Variants in VPS50 observed in about 807,000 individuals in gnomAD.
The protein encoded by VPS50 is syndetin.
VPS50 carries 70 observed loss-of-function variants against 139.7 expected under a neutral mutation model. The ratio of observed to expected loss-of-function variants is 0.50; its 90% CI spans 0.41 to 0.61. The LOEUF (loss-of-function observed/expected upper bound fraction) is 0.61, where lower values mean the gene tolerates loss of function less well. Ranked by LOEUF, VPS50 falls within the 20% of genes least tolerant of loss-of-function variation. VPS50 has a pLI of 0.00. For synonymous variants in VPS50, 365 were observed against 376.7 expected, an observed-to-expected ratio of 0.97 and a Z score of 0.36; for missense variants, 921 against 1,133.7, an observed-to-expected ratio of 0.81 and a Z score of 2.69.
chr7:93,318,706 T>A (rs1469898067), intron 20 of VPS50, among the ~76,000 whole-genome samples: 1 of 152,134 alleles, frequency 6.6e-6, no homozygotes, highest in East Asian at 1.9e-4. Flanking sequence ...CCTTAATTTT[T>A]AAAAATCTTC....
intron 20 of VPS50, among the ~76,000 whole-genome samples, chr7:93,314,614 G>A (rs557627486): frequency 8.5e-5 from 13 of 152,076 alleles, no homozygotes; most frequent in South Asian, 4.1e-4. Flanking sequence ...CTAGATTACC[G>A]AAGTCCATGC....
intron 25 of VPS50, among the ~76,000 whole-genome samples, chr7:93,350,969 C>T (rs1399206925): frequency 6.6e-6 from 1 of 152,046 alleles, no homozygotes. Flanking sequence ...CTGCTTAGAC[C>T]AAGTCAACAA....
Position 93,356,043 on chromosome 7 carries a change from C to T in VPS50, c.2738C>T (p.Thr913Ile). 1.3e-6 allele frequency: 2 copies of T among 1,544,406 alleles called. No individual in the cohort carries two copies. Among genetic ancestry groups the T allele is most frequent in the South Asian group, 1.2e-5 (1 of 81,946 alleles). ...ACTTATATTAAAGCTTATTACCTAA[C>T]TGAGAATGACATGGAACGGTGGATC... ...VETYIKAYYL[T>I]ENDMERWIKE... The change falls in exon 27 of 28, where the codon ACT (threonine) becomes ATT (isoleucine). Residue 913 changes from threonine (T) to isoleucine (I), a missense_variant. Thr to Ile is a moderately conservative substitution (Grantham distance 89). This residue lies in a region of VPS50 where 158 missense variants were observed against 156.3 expected (regional missense o/e 1.01). Coordinates refer to ENST00000305866, the MANE Select transcript of VPS50 (RefSeq NM_017667.4).
At chr7:93,325,999 T>C (rs1298568979) in intron 21 of VPS50, among the ~76,000 whole-genome samples, 1 of 151,940 alleles carries the variant, frequency 6.6e-6, no homozygotes, top group Admixed American at 6.6e-5. Context: ...CATGCACACG[T>C]ATGTTTATTG....
intron 18 of VPS50, 21 bp downstream of exon 18, chr7:93,306,025 A>G (rs1797106443): frequency 6.3e-7 from 1 of 1,580,346 alleles, no homozygotes. Flanking sequence ...TATGTGAAAC[A>G]TAAGTGAGTT....
intron 12 of VPS50, among the ~76,000 whole-genome samples, chr7:93,277,996 GA>G (rs1374780429): frequency 2.6e-5 from 4 of 151,942 alleles, no homozygotes; most frequent in Non-Finnish European, 4.4e-5. Flanking sequence ...TATTAAAGCA[GA>G]AAAGAACTCT....
chr7:93,268,425 A>G (rs543050787), intron 9 of VPS50, among the ~76,000 whole-genome samples: 8 of 152,012 alleles, frequency 5.3e-5, no homozygotes, highest in East Asian at 1.9e-4. Flanking sequence ...CTATCAACCT[A>G]TCACCTAGGT....
chr7:93,321,182 C>T (rs535912072), intron 20 of VPS50: 2 of 152,314 alleles, frequency 1.3e-5, no homozygotes, highest in African/African-American at 4.8e-5. Context: ...TATGCAAAGC[C>T]TAAACTATCT....
intron 22 of VPS50, among the ~76,000 whole-genome samples, chr7:93,336,329 A>C (rs1210428261): frequency 3.9e-5 from 6 of 152,226 alleles, no homozygotes; most frequent in Admixed American, 3.9e-4. Context: ...ATAATTTATC[A>C]TGTAAATTCA....
chr7:93,292,054 A>T (rs565063223), intron 13 of VPS50, among the ~76,000 whole-genome samples: 1 of 152,218 alleles, frequency 6.6e-6, no homozygotes, highest in East Asian at 1.9e-4. Flanking sequence ...GGCACATAGT[A>T]CTAGTTTCCA....
At chr7:93,309,628 A>G (rs973195780) in intron 19 of VPS50, among the ~76,000 whole-genome samples, 2 of 151,834 alleles carry the variant, frequency 1.3e-5, no homozygotes, top group African/African-American at 2.4e-5. Context: ...TATTTCCCCT[A>G]TGTCATTTTT....
At chr7:93,242,309 A>G (rs950561659) in intron 2 of VPS50, among the ~76,000 whole-genome samples, 3 of 151,820 alleles carry the variant, frequency 2.0e-5, no homozygotes, top group Admixed American at 6.6e-5. Context: ...ATTACAGATT[A>G]TAATACTGTG....
chr7:93,355,427 C>CT (rs918469867), intron 26 of VPS50, among the ~76,000 whole-genome samples: 127 of 152,216 alleles, frequency 8.3e-4, no homozygotes, highest in African/African-American at 2.8e-3. Flanking sequence ...TTACACATTT[C>CT]TTTATGTTTT....
intron 22 of VPS50, among the ~76,000 whole-genome samples, chr7:93,336,720 C>T (rs1212521110): frequency 6.6e-6 from 1 of 152,162 alleles, no homozygotes; most frequent in South Asian, 2.1e-4. Flanking sequence ...CCATGTTGGC[C>T]AGGCTGGTCT....
chr7:93,354,454 C>A (rs1798644013), intron 26 of VPS50, among the ~76,000 whole-genome samples: 1 of 151,816 alleles, frequency 6.6e-6, no homozygotes, highest in African/African-American at 2.4e-5. Context: ...CCACCATGCC[C>A]ACTAATTTTT....
At chr7:93,276,514 C>A in intron 12 of VPS50, 58 of 655,232 alleles carry the variant, frequency 8.9e-5, no homozygotes, top group Non-Finnish European at 1.2e-4. Flanking sequence ...GAGATTGGAG[C>A]ATGATTGCTT....
intron 12 of VPS50, among the ~76,000 whole-genome samples, chr7:93,289,546 T>G (rs943324368): frequency 6.6e-6 from 1 of 152,098 alleles, no homozygotes; most frequent in African/African-American, 2.4e-5. Context: ...CAAATGTTAC[T>G]TTTATTACTT....
chr7:93,252,866 T>C, intron 3 of VPS50, 91 bp downstream of exon 3: 1 of 975,310 alleles, frequency 1.0e-6, no homozygotes, highest in South Asian at 1.7e-5. Context: ...GGCATTTATG[T>C]ATTTTTGGTA....
At chr7:93,302,954 A>G (rs1020533789) in intron 16 of VPS50, among the ~76,000 whole-genome samples, 11 of 152,138 alleles carry the variant, frequency 7.2e-5, no homozygotes, top group African/African-American at 2.6e-4. Context: ...TAATTTGTAA[A>G]TGCTATATAG....
Sources: allele counts gnomAD v4.1 joint callset (sites outside exome capture counted in the v4.1 genomes callset), GRCh38; gene constraint gnomAD v4.1.1; regional missense constraint gnomAD v4.1.1; transcripts MANE v1.5; gene names NCBI Gene and HGNC (gene_info 2026-07-23, HGNC 2026-07-21).